PATJ: variants seen among roughly 807,000 people sequenced by gnomAD.
The protein encoded by PATJ is PATJ crumbs cell polarity complex component.
PATJ carries 190 observed loss-of-function variants against 224.9 expected under a neutral mutation model. The ratio of observed to expected loss-of-function variants is 0.84; its 90% CI spans 0.75 to 0.95. The LOEUF is 0.95. PATJ is among the 40% of genes least tolerant of loss of function. The probability of loss-of-function intolerance (pLI) is 0.00; values close to 1 mark genes in which losing one functional copy is unlikely to be tolerated. For missense variants in PATJ, 2,121 were observed against 2,270.3 expected (o/e 0.93, Z 1.34); for synonymous variants, 769 against 820.3 (o/e 0.94, Z 1.07).
Position 61,822,964 on chromosome 1 carries a change from T to C in PATJ, c.1703T>C (p.Leu568Pro), listed in dbSNP as rs1013313471. 6.2e-7 allele frequency: 1 copy of C among 1,614,174 alleles called. No individual in the cohort carries two copies. Among genetic ancestry groups the C allele is most frequent in the African/African-American group, 1.3e-5 (1 of 75,064 alleles). Reference sequence around the variant, plus strand: ...CTACAGCTGCTGCCTATTCACACTCTGAGGCTTGGTGTGGAAGTGGATTCC... The same window carrying C: ...CTACAGCTGCTGCCTATTCACACTCCGAGGCTTGGTGTGGAAGTGGATTCC... Reference protein sequence around the residue: ...KYSKLLPIHTLRLGVEVDSFD... With the variant: ...KYSKLLPIHTPRLGVEVDSFD... Residue 568 changes from leucine to proline, a missense_variant, in exon 15 of 44, where the codon CTG becomes CCG. Transcript: ENST00000642238.
chr1:62,036,517 G>A (rs1293349967), intron 29 of PATJ, among the ~76,000 whole-genome samples: 1 of 152,128 alleles, frequency 6.6e-6, no homozygotes, highest in Admixed American at 6.5e-5. Flanking sequence ...AAGACATCTA[G>A]TGGAGATATA....
rs1668831154 is a variant in PATJ, at chr1:62,153,425, G to T, written c.5446G>T (p.Gly1816Cys). The T allele has an allele frequency of 1.6e-6, 2 of 1,231,324 alleles. No homozygotes were observed. The highest frequency in any genetic ancestry group is 2.0e-6 in the Non-Finnish European group (2 of 987,296). The allele number at this position is 1,231,324 out of a possible 1,614,324, so 76.3% of individuals were successfully genotyped here. A position where few individuals can be genotyped will look rare whatever the true frequency, so the allele number is the denominator to read the frequency against. ...SEGLGFSIVG[G>C]YGSPHGDLPI... Reference sequence around the variant, plus strand: ...AGGCTTGGGGTTTAGTATTGTAGGGGGTTATGGAAGTCCCCATGGAGACCT... The same window carrying T: ...AGGCTTGGGGTTTAGTATTGTAGGGTGTTATGGAAGTCCCCATGGAGACCT... The change falls in exon 43 of 44, where the codon GGT becomes TGT. Residue 1816 changes from glycine (G) to cysteine (C), a missense_variant. Physicochemically the swap from Gly to Cys is radical, Grantham distance 159 (BLOSUM62 -3). Coordinates refer to ENST00000642238, the MANE Select transcript of PATJ (RefSeq NM_001350145.3).
chr1:61,818,308 C>T (rs374950818), intron 14 of PATJ, among the ~76,000 whole-genome samples: 7 of 152,302 alleles, frequency 4.6e-5, no homozygotes, highest in African/African-American at 1.2e-4. Context: ...TGCTCATTAA[C>T]TTTGTCAGTT....
intron 28 of PATJ, among the ~76,000 whole-genome samples, chr1:62,008,343 C>T (rs911319000): frequency 5.9e-5 from 9 of 152,174 alleles, no homozygotes; most frequent in African/African-American, 2.2e-4. Flanking sequence ...CTACTACATT[C>T]CTCATCTGGT....
chr1:61,907,373 A>C (rs911395109), intron 24 of PATJ, among the ~76,000 whole-genome samples: 1 of 152,122 alleles, frequency 6.6e-6, no homozygotes, highest in Non-Finnish European at 1.5e-5. Context: ...TCCAGTGCTC[A>C]CCAAATCTTT....
intron 4 of PATJ, 150 bp downstream of exon 4, chr1:61,766,623 C>A (rs1646287867): frequency 2.0e-6 from 1 of 510,112 alleles, no homozygotes; most frequent in Non-Finnish European, 3.3e-6. Flanking sequence ...AAACTGACAC[C>A]ATTTTCTAAC....
chr1:62,066,114 G>A (rs1017665575), intron 31 of PATJ, among the ~76,000 whole-genome samples: 1 of 152,180 alleles, frequency 6.6e-6, no homozygotes, highest in Non-Finnish European at 1.5e-5. Context: ...TAGTGACAGT[G>A]AAGAATCCTG....
At chr1:62,129,540 G>T (rs1313100452) in intron 41 of PATJ, among the ~76,000 whole-genome samples, 1 of 152,254 alleles carries the variant, frequency 6.6e-6, no homozygotes, top group Non-Finnish European at 1.5e-5. Context: ...ATGTCTCTGA[G>T]ATTGACACCA....
At chr1:62,150,830 GACAA>G (rs1009732267) in intron 42 of PATJ, among the ~76,000 whole-genome samples, 4 of 150,082 alleles carry the variant, frequency 2.7e-5, no homozygotes, top group South Asian at 2.1e-4. Flanking sequence ...AAAATGTAAA[GACAA>G]ACAAAACAGT....
At chr1:61,772,792 G>A (rs1646693584) in intron 6 of PATJ, among the ~76,000 whole-genome samples, 1 of 152,104 alleles carries the variant, frequency 6.6e-6, no homozygotes, top group Admixed American at 6.6e-5. Context: ...GTCACACCAG[G>A]CAGATTCCTT....
chr1:61,916,387 C>A (rs1046053141), intron 26 of PATJ, among the ~76,000 whole-genome samples: 1 of 151,828 alleles, frequency 6.6e-6, no homozygotes, highest in Admixed American at 6.6e-5. Context: ...TTTGGATTTT[C>A]TATACATATA....
In PATJ at chr1:61,765,925, C is replaced by T. The variant is rs552256835; in HGVS notation, c.190-354C>T. On this transcript the variant is annotated intron_variant, in intron 3 of 43. Transcript: ENST00000642238. ...CCTGTGGATCTTTTGTTGCTCCCCACGTGGAATTGTACAGATAAATGGAAA... is the reference window on the plus strand; with the variant it reads ...CCTGTGGATCTTTTGTTGCTCCCCATGTGGAATTGTACAGATAAATGGAAA... 1.6e-4 allele frequency among the ~76,000 whole-genome samples: 24 copies of T among 152,196 alleles called. No individual in the cohort carries two copies. The South Asian group carries it at 2.9e-3, about 18-fold the overall frequency.
rs999560073 is a variant in PATJ, at chr1:61,958,831, G to T, written c.3670+31002G>T. On this transcript the variant is annotated intron_variant, in intron 27 of 43. Coordinates refer to ENST00000642238, the MANE Select transcript of PATJ (RefSeq NM_001350145.3). Reference sequence around the variant, plus strand: ...CTCACTTTCTTAATCTGTAAAATGAGTGTGAGACTAAATTACCCTTAAAAT... The same window carrying T: ...CTCACTTTCTTAATCTGTAAAATGATTGTGAGACTAAATTACCCTTAAAAT... Among the ~76,000 whole-genome samples, 23 of 152,178 alleles carry T rather than the reference G, an allele frequency of 1.5e-4. 1 individual carries two copies. The highest frequency in any genetic ancestry group is 1.5e-3 in the Admixed American group (23 of 15,280).
intron 33 of PATJ, among the ~76,000 whole-genome samples, chr1:62,091,823 A>G (rs895841432): frequency 6.6e-6 from 1 of 152,138 alleles, no homozygotes; most frequent in Non-Finnish European, 1.5e-5. Flanking sequence ...TGGGAGGCCG[A>G]GGTGGGCGGA....
At chr1:61,857,323 C>G (rs1266823162) in intron 18 of PATJ, among the ~76,000 whole-genome samples, 1 of 152,200 alleles carries the variant, frequency 6.6e-6, no homozygotes, top group East Asian at 1.9e-4. Flanking sequence ...ATCCTTACAG[C>G]AACTTTAAGA....
intron 43 of PATJ, among the ~76,000 whole-genome samples, chr1:62,156,049 C>A (rs1176276805): frequency 1.2e-5 from 1 of 86,698 alleles, no homozygotes; most frequent in Non-Finnish European, 2.1e-5. Flanking sequence ...CAGAGCAAGA[C>A]TCTGTAAAAA....
chr1:62,076,606 ATTG>A (rs1658349853), intron 31 of PATJ, among the ~76,000 whole-genome samples: 1 of 152,154 alleles, frequency 6.6e-6, no homozygotes, highest in African/African-American at 2.4e-5. Context: ...CTGCTTCCTT[ATTG>A]TTAAATTGAA....
intron 27 of PATJ, among the ~76,000 whole-genome samples, chr1:61,948,374 TCAAA>T (rs1679087483): frequency 6.6e-6 from 1 of 151,558 alleles, no homozygotes; most frequent in East Asian, 1.9e-4. Context: ...CAAGAAAAAA[TCAAA>T]CAACCCCATC....
intron 10 of PATJ, 26 bp from the exon 11 acceptor site, chr1:61,797,261 G>T: frequency 6.3e-7 from 1 of 1,598,150 alleles, no homozygotes; most frequent in Non-Finnish European, 8.6e-7. Flanking sequence ...TAAAACCTCT[G>T]CTTAATGTTT....
Sources: allele counts gnomAD v4.1 joint callset (sites outside exome capture counted in the v4.1 genomes callset), GRCh38; gene constraint gnomAD v4.1.1; transcripts MANE v1.5; gene names NCBI Gene and HGNC (gene_info 2026-07-23, HGNC 2026-07-21).